The following CTNNA3 variants were observed in gnomAD, a reference collection of about 807,000 sequenced individuals.
CTNNA3 encodes catenin alpha-3.
In CTNNA3, 76 loss-of-function variants were observed where a neutral mutation model predicts 95.7. The ratio of observed to expected loss-of-function variants is 0.79; its 90% CI spans 0.66 to 0.96. The LOEUF (loss-of-function observed/expected upper bound fraction) is 0.96, where lower values mean the gene tolerates loss of function less well. CTNNA3 is among the 40% of genes least tolerant of loss of function. The probability of loss-of-function intolerance (pLI) is 0.00; values close to 1 mark genes in which losing one functional copy is unlikely to be tolerated. For synonymous variants in CTNNA3, 431 were observed against 374.4 expected (o/e 1.15, Z -1.74); for missense variants, 1,191 against 1,089.8 (o/e 1.09, Z -1.31).
intron 11 of CTNNA3, among the ~76,000 whole-genome samples, chr10:66,478,064 A>G (rs1037197209): frequency 6.6e-6 from 1 of 152,126 alleles, no homozygotes; most frequent in Non-Finnish European, 1.5e-5. Context: ...CCTTTCAAGT[A>G]GCAATAATGC....
chr10:67,559,797 C>A (rs189712358), intron 3 of CTNNA3, among the ~76,000 whole-genome samples: 3 of 152,142 alleles, frequency 2.0e-5, no homozygotes, highest in Admixed American at 1.3e-4. Context: ...CTTAAAGGAG[C>A]TAATGGAGCT....
chr10:67,056,377 G>C lies in CTNNA3; in HGVS notation c.1047+123940C>G, dbSNP rs910480149. Among the ~76,000 whole-genome samples the C allele has an allele frequency of 9.9e-5, 15 of 152,228 alleles. No homozygotes were observed. In the South Asian group the frequency reaches 3.1e-3, roughly 32 times the overall value. On this transcript the variant is annotated intron_variant, in intron 7 of 17. Transcript: ENST00000433211. ...GTCATTGTTAGTCTTCCCAATGTAGGACTGGATTACAGGAATGCTCGTACT... is the reference window on the plus strand; with the variant it reads ...GTCATTGTTAGTCTTCCCAATGTAGCACTGGATTACAGGAATGCTCGTACT...
chr10:66,021,852 C>CTGTTTTTTTTTTTTTTTTTTTTTTTT (rs2079218983), intron 15 of CTNNA3, among the ~76,000 whole-genome samples: 1 of 75,940 alleles, frequency 1.3e-5, no homozygotes, highest in Non-Finnish European at 2.4e-5. Context: ...AGGATCTTGG[C>CTGTTTTTTTTTTTTTTTTTTTTTTTT]TTTTTTTTTT....
intron 15 of CTNNA3, among the ~76,000 whole-genome samples, chr10:66,033,195 A>T (rs1343977961): frequency 1.4e-5 from 2 of 138,872 alleles, no homozygotes; most frequent in East Asian, 2.1e-4. Flanking sequence ...CAGTGGCGCT[A>T]TCTCGGCTCA....
At chr10:66,993,724 A>T (rs1039143396) in intron 7 of CTNNA3, among the ~76,000 whole-genome samples, 1 of 150,498 alleles carries the variant, frequency 6.6e-6, no homozygotes, top group African/African-American at 2.4e-5. Flanking sequence ...TAAAACCTCC[A>T]TCTTTCATTG....
At chr10:67,652,217 C>A (rs1213414957) in intron 1 of CTNNA3, among the ~76,000 whole-genome samples, 3 of 152,182 alleles carry the variant, frequency 2.0e-5, no homozygotes, top group Non-Finnish European at 4.4e-5. Context: ...GCCTAATTAG[C>A]TCCCAAAGGC....
chr10:66,611,595 T>C (rs573361412), intron 10 of CTNNA3, among the ~76,000 whole-genome samples: 1 of 152,258 alleles, frequency 6.6e-6, no homozygotes, highest in East Asian at 1.9e-4. Context: ...CCCTGCCCTC[T>C]CCTCATTTCT....
intron 5 of CTNNA3, among the ~76,000 whole-genome samples, chr10:67,419,468 T>C (rs188363941): frequency 6.6e-6 from 1 of 151,952 alleles, no homozygotes; most frequent in Non-Finnish European, 1.5e-5. Flanking sequence ...ACCCTGGTAG[T>C]GAGCATAGTG....
chr10:66,574,151 G>C (rs1388281507), intron 10 of CTNNA3, among the ~76,000 whole-genome samples: 1 of 152,020 alleles, frequency 6.6e-6, no homozygotes, highest in Non-Finnish European at 1.5e-5. Flanking sequence ...CCCATTTACT[G>C]TCTTACTAAG....
chr10:66,864,915 AAATACGG>A (rs1366238803), intron 7 of CTNNA3, among the ~76,000 whole-genome samples: 2 of 152,158 alleles, frequency 1.3e-5, no homozygotes, highest in Admixed American at 1.3e-4. Context: ...TGTTATATTA[AAATACGG>A]AATTGTATAC....
At chr10:66,142,497 C>T (rs1355660478) in intron 13 of CTNNA3, among the ~76,000 whole-genome samples, 1 of 152,014 alleles carries the variant, frequency 6.6e-6, no homozygotes, top group Admixed American at 6.6e-5. Flanking sequence ...GGTCTTTTAA[C>T]TCTACATATA....
chr10:66,389,231 G>C (rs1310521633), intron 11 of CTNNA3, among the ~76,000 whole-genome samples: 2 of 152,008 alleles, frequency 1.3e-5, no homozygotes, highest in African/African-American at 4.8e-5. Context: ...TTCTGAAGTA[G>C]ATGCACTTGA....
intron 7 of CTNNA3, among the ~76,000 whole-genome samples, chr10:66,834,404 C>A (rs1362360283): frequency 6.6e-6 from 1 of 152,102 alleles, no homozygotes; most frequent in Non-Finnish European, 1.5e-5. Flanking sequence ...TTAGAATTGA[C>A]AAAATACTTT....
intron 3 of CTNNA3, among the ~76,000 whole-genome samples, chr10:67,557,131 GA>G (rs1456992080): frequency 6.6e-6 from 1 of 152,132 alleles, no homozygotes; most frequent in Non-Finnish European, 1.5e-5. Context: ...TAAAGTAACA[GA>G]ATGGATCCCA....
chr10:67,597,311 G>A (rs1842960038), intron 3 of CTNNA3, among the ~76,000 whole-genome samples: 1 of 152,220 alleles, frequency 6.6e-6, no homozygotes, highest in South Asian at 2.1e-4. Context: ...AGCTAGTGCA[G>A]TCATTTGGAA....
rs138073601 is a variant in CTNNA3 at position 66,648,793 on chromosome 10, T to C, written c.1282-27009A>G. 2.3e-3 allele frequency among the ~76,000 whole-genome samples: 357 copies of C among 152,282 alleles called. 1 individual carries two copies. The highest frequency in any genetic ancestry group is 0.01 in the Middle Eastern group (3 of 294). On this transcript the variant is annotated intron_variant, in intron 9 of 17. Coordinates refer to ENST00000433211, the MANE Select transcript of CTNNA3 (RefSeq NM_013266.4). ...TTAGATGAGGACAGAAGTTCTCCTT[T>C]AGATATGCTGATTTTTGGGTATATA...
chr10:66,914,130 C>CT (rs3056545), intron 7 of CTNNA3, among the ~76,000 whole-genome samples: 3,849 of 120,220 alleles, frequency 0.032, 212 homozygotes, highest in African/African-American at 0.1. Flanking sequence ...AGGGTGCCTT[C>CT]TTTTTTTTTT....
chr10:66,180,451 G>A (rs978924522), intron 13 of CTNNA3, among the ~76,000 whole-genome samples: 1 of 152,128 alleles, frequency 6.6e-6, no homozygotes, highest in African/African-American at 2.4e-5. Context: ...TTGATTCTCC[G>A]GGCTCCTAGA....
chr10:67,394,055 T>C (rs556311627), intron 5 of CTNNA3, among the ~76,000 whole-genome samples: 2 of 152,290 alleles, frequency 1.3e-5, no homozygotes, highest in African/African-American at 2.4e-5. Context: ...TGTTTAAACA[T>C]ACCAGCTATA....
Sources: allele counts gnomAD v4.1 joint callset (sites outside exome capture counted in the v4.1 genomes callset), GRCh38; gene constraint gnomAD v4.1.1; transcripts MANE v1.5; gene names NCBI Gene and HGNC (gene_info 2026-07-23, HGNC 2026-07-21).